The following LRRC37A2 variants were observed in gnomAD, a reference collection of about 807,000 sequenced individuals.
LRRC37A2 encodes the protein leucine rich repeat containing 37 member A2.
LRRC37A2 carries 9 observed loss-of-function variants against 68.8 expected under a neutral mutation model. That is an observed-to-expected ratio of 0.13 (90% CI 0.08 to 0.23). The LOEUF (loss-of-function observed/expected upper bound fraction) is 0.23. Among genes scored for constraint, LRRC37A2 ranks in the 10% least tolerant of loss-of-function variants. The pLI is 1.00. For synonymous variants in LRRC37A2, 63 were observed against 367.6 expected, an observed-to-expected ratio of 0.17 and a Z score of 9.48; for missense variants, 168 against 950.4, an observed-to-expected ratio of 0.18 and a Z score of 10.82.
At chr17:46,757,697 A>G in the LRRC37A2 span, among the ~76,000 whole-genome samples, 1 of 146,680 alleles carries the variant, frequency 6.8e-6, no homozygotes, top group Non-Finnish European at 1.5e-5. Context: ...TACTTATTTT[A>G]TCTTACTAAA....
the LRRC37A2 span, chr17:47,033,490 C>T: frequency 1.5e-6 from 1 of 653,564 alleles, no homozygotes; most frequent in Non-Finnish European, 2.7e-6. Flanking sequence ...TACCTTCTTC[C>T]ATGGAACCAG....
At chr17:46,785,806 C>T in the LRRC37A2 span, among the ~76,000 whole-genome samples, 1 of 152,070 alleles carries the variant, frequency 6.6e-6, no homozygotes, top group African/African-American at 2.4e-5. Flanking sequence ...GTGCTCCATC[C>T]CAGGGAGCCC....
chr17:47,031,095 A>G, the LRRC37A2 span, among the ~76,000 whole-genome samples: 1 of 150,616 alleles, frequency 6.6e-6, no homozygotes, highest in African/African-American at 2.4e-5. Flanking sequence ...AACCCAGTAA[A>G]TCTCTTGAAT....
chr17:46,813,554 GAGA>G, the LRRC37A2 span, among the ~76,000 whole-genome samples: 1 of 152,064 alleles, frequency 6.6e-6, no homozygotes, highest in East Asian at 1.9e-4. Flanking sequence ...TTGGCAGCTG[GAGA>G]AGGTTTCTGT....
At chr17:47,035,337 T>G in the LRRC37A2 span, among the ~76,000 whole-genome samples, 9,385 of 135,490 alleles carry the variant, frequency 0.069, no homozygotes, top group Non-Finnish European at 0.11. Context: ...CTGTCTTCCC[T>G]CAGGCCCAGG....
the LRRC37A2 span, among the ~76,000 whole-genome samples, chr17:46,888,854 C>T: frequency 2.6e-5 from 4 of 152,146 alleles, no homozygotes; most frequent in African/African-American, 7.2e-5. Flanking sequence ...TTGATTAAAT[C>T]CTTGACCTCA....
At chr17:46,997,951 C>T in the LRRC37A2 span, among the ~76,000 whole-genome samples, 1 of 129,664 alleles carries the variant, frequency 7.7e-6, no homozygotes, top group African/African-American at 3.0e-5. Context: ...GCCTGGGCAA[C>T]AAGAGTGAAA....
the LRRC37A2 span, among the ~76,000 whole-genome samples, chr17:47,037,122 T>C: frequency 7.0e-6 from 1 of 143,400 alleles, no homozygotes; most frequent in Non-Finnish European, 1.5e-5. Context: ...AAACCCCGTG[T>C]CTACTAAAAG....
chr17:47,003,713 C>T, the LRRC37A2 span, among the ~76,000 whole-genome samples: 5 of 135,818 alleles, frequency 3.7e-5, no homozygotes, highest in African/African-American at 1.1e-4. Flanking sequence ...TCACTAAGGT[C>T]TATATTTGCC....
chr17:47,036,198 T>C, the LRRC37A2 span, among the ~76,000 whole-genome samples: 4 of 152,162 alleles, frequency 2.6e-5, no homozygotes, highest in Non-Finnish European at 5.9e-5. Context: ...CTTTGGTTGT[T>C]TGTGCTTTTG....
At chr17:46,940,551 C>T in the LRRC37A2 span, 4 of 1,614,128 alleles carry the variant, frequency 2.5e-6, no homozygotes, top group Non-Finnish European at 2.5e-6. Flanking sequence ...GTCCTGTCCC[C>T]CAGGCACCCA....
At chr17:46,814,330 C>T in the LRRC37A2 span, among the ~76,000 whole-genome samples, 2 of 152,346 alleles carry the variant, frequency 1.3e-5, no homozygotes, top group East Asian at 1.9e-4. Flanking sequence ...ATTATTATAA[C>T]GTTTGACCTG....
At chr17:46,691,531 G>A in the LRRC37A2 span, among the ~76,000 whole-genome samples, 1 of 147,278 alleles carries the variant, frequency 6.8e-6, no homozygotes, top group Middle Eastern at 3.2e-3. Context: ...GGAGGCAGAG[G>A]TTGCAGTGAG....
the LRRC37A2 span, chr17:46,973,093 G>C: frequency 6.5e-6 from 1 of 152,742 alleles, no homozygotes; most frequent in Non-Finnish European, 1.5e-5. Context: ...TCCCACTGAA[G>C]TCCTTTTAAT....
the LRRC37A2 span, among the ~76,000 whole-genome samples, chr17:47,016,047 C>T: frequency 6.6e-5 from 10 of 152,116 alleles, no homozygotes; most frequent in African/African-American, 2.2e-4. Context: ...CAGGTTCAAG[C>T]GATTCTCCTG....
At chr17:46,722,202 A>G in the LRRC37A2 span, 1 of 1,557,876 alleles carries the variant, frequency 6.4e-7, no homozygotes, top group South Asian at 1.1e-5. Context: ...GCGCCTGCTT[A>G]GGAAGAGACC....
At chr17:46,829,385 G>A in the LRRC37A2 span, among the ~76,000 whole-genome samples, 1 of 152,142 alleles carries the variant, frequency 6.6e-6, no homozygotes, top group Admixed American at 6.5e-5. Context: ...GGCCAGGCTG[G>A]TCTCGAACTC....
chr17:46,703,696 A>C, the LRRC37A2 span, among the ~76,000 whole-genome samples: 61 of 151,430 alleles, frequency 4.0e-4, no homozygotes, highest in African/African-American at 8.7e-4. Context: ...AAAAAAAAAA[A>C]AAAAAAAACA....
At chr17:47,000,310 C>T in the LRRC37A2 span, among the ~76,000 whole-genome samples, 1 of 150,354 alleles carries the variant, frequency 6.7e-6, no homozygotes, top group South Asian at 2.1e-4. Flanking sequence ...TCTTGGCTCG[C>T]TGCAGCCTCC....
Sources: gnomAD v4.1 joint callset for allele counts (sites outside exome capture counted in the v4.1 genomes callset) on GRCh38, gnomAD v4.1.1 for gene constraint, MANE v1.5 for transcripts, NCBI Gene and HGNC (gene_info 2026-07-23, HGNC 2026-07-21) for gene names.